TRIM16: variants seen among roughly 807,000 people sequenced by gnomAD.
TRIM16 encodes the protein tripartite motif containing 16.
TRIM16 carries 33 observed loss-of-function variants against 50.4 expected under a neutral mutation model. The observed-to-expected ratio is 0.65, with a 90% CI of 0.50 to 0.88. The LOEUF (loss-of-function observed/expected upper bound fraction) is 0.88. Ranked by LOEUF, TRIM16 falls within the 40% of genes least tolerant of loss-of-function variation. The pLI is 0.00. For missense variants in TRIM16, 581 were observed against 686.8 expected, an observed-to-expected ratio of 0.85 and a Z score of 1.72; for synonymous variants, 229 against 270.7, an observed-to-expected ratio of 0.85 and a Z score of 1.51.
At chr17:15,676,142 T>C (rs555682326) in intron 6 of TRIM16, among the ~76,000 whole-genome samples, 1 of 152,244 alleles carries the variant, frequency 6.6e-6, no homozygotes, top group South Asian at 2.1e-4. Context: ...AGACAAGTCT[T>C]TGTGTGGGGC....
chr17:15,633,161 C>T (rs1338897332), intron 9 of TRIM16, among the ~76,000 whole-genome samples: 1 of 152,102 alleles, frequency 6.6e-6, no homozygotes, highest in African/African-American at 2.4e-5. Flanking sequence ...AAAGTGTTTT[C>T]ACACTGATAA....
At chr17:15,656,831 C>A (rs1433930099) in intron 6 of TRIM16, among the ~76,000 whole-genome samples, 1 of 152,168 alleles carries the variant, frequency 6.6e-6, no homozygotes, top group Non-Finnish European at 1.5e-5. Context: ...CAGCTCACTG[C>A]AGCCTCAACC....
intron 6 of TRIM16, among the ~76,000 whole-genome samples, chr17:15,663,495 T>C (rs905770963): frequency 6.6e-6 from 1 of 152,094 alleles, no homozygotes; most frequent in African/African-American, 2.4e-5. Context: ...CTGGCAACCA[T>C]GAGAACCAAC....
chr17:15,682,576 C>T (rs1311963499), intron 3 of TRIM16, among the ~76,000 whole-genome samples: 1 of 152,230 alleles, frequency 6.6e-6, no homozygotes, highest in African/African-American at 2.4e-5. Flanking sequence ...AGCAGCAGGG[C>T]CATGGACCCT....
At chr17:15,660,897 C>CAAAAA (rs550489491) in intron 6 of TRIM16, among the ~76,000 whole-genome samples, 25 of 60,064 alleles carry the variant, frequency 4.2e-4, no homozygotes, top group Non-Finnish European at 6.2e-4. Flanking sequence ...GACTCCATCT[C>CAAAAA]AAAAAAAAAA....
rs371443684 is a variant in TRIM16, at chr17:15,642,714, G to A, written c.615+7C>T. The A allele has an allele frequency of 5.9e-3, 5,151 of 877,540 alleles. 179 individuals carry two copies. Among genetic ancestry groups the A allele is most frequent in the Middle Eastern group, 0.011 (30 of 2,704 alleles). 54.4% of individuals were successfully genotyped at this position (877,540 alleles called of 1,614,324 possible). A position where few individuals can be genotyped will look rare whatever the true frequency, so the allele number is the denominator to read the frequency against. On this transcript the variant is annotated splice_region_variant and intron_variant, in intron 8 of 11. Coordinates refer to ENST00000649191, the MANE Select transcript of TRIM16 (RefSeq NM_001348119.1). ...TCACAGGCCTGGCTGACCCAGGCTG[G>A]TCTTACCAGAACAGACTTTTGGTTA...
Position 15,651,355 on chromosome 17 carries a change from T to A in TRIM16, c.255A>T (p.Arg85Ser), listed in dbSNP as rs773363981. ...VLCDFCLDDTRRVKAVKSCLT... is the reference protein window; with the variant it reads ...VLCDFCLDDTSRVKAVKSCLT... ...GACAGGACTTCACTGCCTTCACTCT[T>A]CTGGTGTCATCAAGGCAGAAGTCAC... The change falls in exon 7 of 12, where the codon AGA becomes AGT. Residue 85 changes from arginine (R) to serine (S), a missense_variant. Arg to Ser is a moderately radical substitution (Grantham distance 110). Transcript: ENST00000649191. The A allele has an allele frequency of 5.0e-6, 8 of 1,614,180 alleles. No homozygotes were observed. Among genetic ancestry groups the A allele is most frequent in the Non-Finnish European group, 5.9e-6 (7 of 1,180,024 alleles).
chr17:15,662,116 T>C (rs1009775464), intron 6 of TRIM16, among the ~76,000 whole-genome samples: 4 of 152,174 alleles, frequency 2.6e-5, no homozygotes, highest in Admixed American at 2.0e-4. Flanking sequence ...TGTCGGCCAG[T>C]GGTGACTGCT....
At chr17:15,641,519 C>A (rs1987115739) in intron 8 of TRIM16, among the ~76,000 whole-genome samples, 2 of 148,826 alleles carry the variant, frequency 1.3e-5, no homozygotes, top group Non-Finnish European at 3.0e-5. Context: ...ATCAAAGTGT[C>A]TGAAAATTAA....
At chr17:15,660,160 G>A (rs1988158575) in intron 6 of TRIM16, among the ~76,000 whole-genome samples, 1 of 152,128 alleles carries the variant, frequency 6.6e-6, no homozygotes, top group Non-Finnish European at 1.5e-5. Flanking sequence ...TCAGAGGTTT[G>A]TTTTTTCTTT....
At chr17:15,680,758 A>G in intron 4 of TRIM16, 107 bp downstream of exon 4, 1 of 1,343,848 alleles carries the variant, frequency 7.4e-7, no homozygotes, top group Non-Finnish European at 9.9e-7. Flanking sequence ...ATGCTAAGAG[A>G]AAAAAAATTT....
At chr17:15,654,627 GC>G (rs1987885162) in intron 6 of TRIM16, 1 of 152,200 alleles carries the variant, frequency 6.6e-6, no homozygotes, top group Admixed American at 6.5e-5. Context: ...TAGCTCTGCA[GC>G]TGCAAGGTCA....
intron 6 of TRIM16, among the ~76,000 whole-genome samples, chr17:15,656,550 C>T (rs1319329098): frequency 6.6e-6 from 1 of 152,002 alleles, no homozygotes; most frequent in African/African-American, 2.4e-5. Context: ...CTCCCCAGCC[C>T]CTTTGCAAAC....
intron 10 of TRIM16, among the ~76,000 whole-genome samples, chr17:15,632,206 T>C (rs982676810): frequency 1.3e-5 from 2 of 152,060 alleles, no homozygotes; most frequent in African/African-American, 4.8e-5. Context: ...CTGACCAACA[T>C]GGTGAAACCC....
chr17:15,683,482 C>T (rs1989262116), intron 1 of TRIM16: 1 of 196,524 alleles, frequency 5.1e-6, no homozygotes, highest in Non-Finnish European at 1.0e-5. Context: ...CTAATTTCCA[C>T]TATGTGCTAG....
intron 6 of TRIM16, among the ~76,000 whole-genome samples, chr17:15,660,897 C>CAAAAAAAAAAAAAAAAAAAAAAAAA (rs550489491): frequency 1.7e-5 from 1 of 60,144 alleles, no homozygotes. Flanking sequence ...GACTCCATCT[C>CAAAAAAAAAAAAAAAAAAAAAAAAA]AAAAAAAAAA....
chr17:15,663,169 C>T (rs572224291), intron 6 of TRIM16, among the ~76,000 whole-genome samples: 24 of 152,310 alleles, frequency 1.6e-4, no homozygotes, highest in African/African-American at 5.3e-4. Context: ...TAACTCTTTC[C>T]CAACCACCCA....
rs997827713 is a variant in TRIM16, at chr17:15,683,376, G to C, written c.-898-219C>G. 1.2e-4 allele frequency: 53 copies of C among 435,422 alleles called. 1 individual carries two copies. The highest frequency in any genetic ancestry group is 7.0e-4 in the South Asian group (29 of 41,644). 27.0% of individuals were successfully genotyped at this position (435,422 alleles called of 1,614,324 possible). ...AGGGCCCTGCAGAGTCAGACACTGG[G>C]AACATAGACAGTTACAGACAACAGT... is the stretch of plus-strand genomic sequence containing the variant. On this transcript the variant is annotated intron_variant, in intron 1 of 11. Transcript: ENST00000649191.
intron 6 of TRIM16, among the ~76,000 whole-genome samples, chr17:15,661,715 T>C (rs1379884298): frequency 6.6e-6 from 1 of 152,252 alleles, no homozygotes; most frequent in Admixed American, 6.5e-5. Context: ...AAACTGCTCA[T>C]TCTCTTTACT....
Sources: gnomAD v4.1 joint callset for allele counts (sites outside exome capture counted in the v4.1 genomes callset) on GRCh38, gnomAD v4.1.1 for gene constraint, MANE v1.5 for transcripts, NCBI Gene and HGNC (gene_info 2026-07-23, HGNC 2026-07-21) for gene names.